CYP4X1: variants seen among roughly 807,000 people sequenced by gnomAD.
CYP4X1 encodes the protein cytochrome P450 family 4 subfamily X member 1.
A neutral mutation model predicts 57.9 loss-of-function variants in CYP4X1; 44 were observed. That is an observed-to-expected ratio of 0.76 (90% CI 0.60 to 0.98). The LOEUF (loss-of-function observed/expected upper bound fraction) is 0.98. Among genes scored for constraint, CYP4X1 ranks in the 50% least tolerant of loss-of-function variants. The pLI, the probability that CYP4X1 is intolerant of heterozygous loss-of-function variation, is 0.00. For synonymous variants in CYP4X1, 227 were observed against 228.6 expected (o/e 0.99, Z 0.06); for missense variants, 532 against 623.9 (o/e 0.85, Z 1.57).
the CYP4X1 span, among the ~76,000 whole-genome samples, chr1:47,016,619 G>A: frequency 1.3e-5 from 2 of 152,216 alleles, no homozygotes; most frequent in African/African-American, 2.4e-5. Context: ...GGGATTACAG[G>A]TGTGAACCTC....
chr1:47,021,142 CAAAAAAAAAAA>C (rs546594827), upstream of CYP4X1, among the ~76,000 whole-genome samples: 8 of 47,452 alleles, frequency 1.7e-4, no homozygotes, highest in Admixed American at 8.2e-4. Context: ...GCAGGAATGC[CAAAAAAAAAAA>C]AAAAAAAAAA....
chr1:47,016,268 C>A, the CYP4X1 span, among the ~76,000 whole-genome samples: 1 of 151,044 alleles, frequency 6.6e-6, no homozygotes, highest in Non-Finnish European at 1.5e-5. Flanking sequence ...TGTTTTAAAG[C>A]CTAATTAGGA....
chr1:47,034,186 A>G (rs763891372), intron 4 of CYP4X1, among the ~76,000 whole-genome samples: 2 of 152,228 alleles, frequency 1.3e-5, no homozygotes, highest in African/African-American at 4.8e-5. Context: ...GTGAGGGAGC[A>G]TGAACAAAGG....
the CYP4X1 span, among the ~76,000 whole-genome samples, chr1:47,002,463 C>A: frequency 6.6e-6 from 1 of 152,190 alleles, no homozygotes; most frequent in Admixed American, 6.5e-5. Context: ...CTGGGATAAA[C>A]CAATGCCTAA....
the CYP4X1 span, among the ~76,000 whole-genome samples, chr1:46,978,442 T>C: frequency 1.3e-5 from 2 of 152,142 alleles, no homozygotes; most frequent in East Asian, 3.9e-4. Context: ...TCTAAACATA[T>C]ATGCACCCAA....
chr1:47,008,633 T>C, the CYP4X1 span, among the ~76,000 whole-genome samples: 1 of 152,122 alleles, frequency 6.6e-6, no homozygotes, highest in African/African-American at 2.4e-5. Flanking sequence ...ACTGGCAAAT[T>C]GGATAAAGAG....
At chr1:46,964,483 G>T in the CYP4X1 span, among the ~76,000 whole-genome samples, 2 of 152,220 alleles carry the variant, frequency 1.3e-5, no homozygotes, top group Non-Finnish European at 2.9e-5. Context: ...CTGCAGGTCT[G>T]CTGGTGTTTG....
At chr1:47,033,200 T>G in intron 3 of CYP4X1, 41 bp from the exon 4 acceptor site, 1 of 1,598,326 alleles carries the variant, frequency 6.3e-7, no homozygotes, top group Admixed American at 1.7e-5. Context: ...TCATCTCATC[T>G]AATTAAATGG....
chr1:47,004,001 C>T, the CYP4X1 span, among the ~76,000 whole-genome samples: 1 of 152,162 alleles, frequency 6.6e-6, no homozygotes, highest in Non-Finnish European at 1.5e-5. Context: ...TTCATGCTGG[C>T]TTCCTAGAAC....
intron 8 of CYP4X1, among the ~76,000 whole-genome samples, chr1:47,044,705 T>C (rs1477195375): frequency 6.6e-6 from 1 of 152,250 alleles, no homozygotes; most frequent in Admixed American, 6.5e-5. Flanking sequence ...CCTCAACTTT[T>C]GTTTATCTGG....
chr1:47,054,603 G>A (rs1027639011), downstream of CYP4X1, among the ~76,000 whole-genome samples: 1,202 of 151,836 alleles, frequency 7.9e-3, 8 homozygotes, highest in African/African-American at 0.027. Flanking sequence ...ATTGAGCAGC[G>A]GTTTGTAGTT....
chr1:46,983,861 G>T, the CYP4X1 span, among the ~76,000 whole-genome samples: 1 of 152,142 alleles, frequency 6.6e-6, no homozygotes, highest in Non-Finnish European at 1.5e-5. Context: ...CTTCACTGGG[G>T]TCCCAGGTCA....
upstream of CYP4X1, among the ~76,000 whole-genome samples, chr1:47,021,644 G>C (rs1643998373): frequency 6.6e-6 from 1 of 152,174 alleles, no homozygotes; most frequent in Non-Finnish European, 1.5e-5. Context: ...CCTCTCTTAG[G>C]CTCCTAAATA....
At chr1:46,997,427 T>C in the CYP4X1 span, among the ~76,000 whole-genome samples, 1 of 152,228 alleles carries the variant, frequency 6.6e-6, no homozygotes, top group East Asian at 1.9e-4. Flanking sequence ...TTTATGTTCA[T>C]GTGTATCCAC....
At chr1:46,976,904 A>G in the CYP4X1 span, among the ~76,000 whole-genome samples, 1 of 152,192 alleles carries the variant, frequency 6.6e-6, no homozygotes, top group South Asian at 2.1e-4. Flanking sequence ...AGGAAAACTG[A>G]CAGACAGAAA....
chr1:47,035,780 A>C (rs774627293), intron 4 of CYP4X1, 26 bp from the exon 5 acceptor site: 22 of 1,600,854 alleles, frequency 1.4e-5, no homozygotes, highest in Non-Finnish European at 1.8e-5. Context: ...GGTGGTGATG[A>C]TGTTGGTCTT....
At chr1:47,019,420 AGCCCAG>A (rs1643973756), upstream of CYP4X1, among the ~76,000 whole-genome samples, 1 of 152,212 alleles carries the variant, frequency 6.6e-6, no homozygotes, top group Non-Finnish European at 1.5e-5. Flanking sequence ...CATGCTTCAA[AGCCCAG>A]GAAAGGCCTA....
Position 47,033,253 on chromosome 1 carries a change from C to T in CYP4X1, c.377C>T (p.Ala126Val), listed in dbSNP as rs114987153. The T allele has an allele frequency of 2.4e-4, 385 of 1,612,550 alleles. 1 individual carries two copies. The Middle Eastern group carries it at 5.5e-3, about 23-fold the overall frequency. Residue 126 changes from alanine to valine, a missense_variant, in exon 4 of 12, where the codon GCG becomes GTG. Transcript: ENST00000371901. The stretch of plus-strand genomic sequence containing the variant: ...TTTATTTCTCAAGGAAAAGGACTAG[C>T]GGCTCTAGACGGACCCAAGTGGTTC... ...FSPPLLGKGLAALDGPKWFQH... is the reference protein window; with the variant it reads ...FSPPLLGKGLVALDGPKWFQH...
At chr1:47,046,687 T>C in intron 9 of CYP4X1, 87 bp downstream of exon 9, 1 of 1,580,222 alleles carries the variant, frequency 6.3e-7, no homozygotes, top group South Asian at 1.1e-5. Context: ...CTCTTAGCAC[T>C]TGGAGAAGTC....
Sources: gnomAD v4.1 joint callset for allele counts (sites outside exome capture counted in the v4.1 genomes callset) on GRCh38, gnomAD v4.1.1 for gene constraint, MANE v1.5 for transcripts, NCBI Gene and HGNC (gene_info 2026-07-23, HGNC 2026-07-21) for gene names.